ARHGAP31: variants seen among roughly 807,000 people sequenced by gnomAD.
ARHGAP31 encodes Rho GTPase activating protein 31.
ARHGAP31 carries 34 observed loss-of-function variants against 113.9 expected under a neutral mutation model. That is an observed-to-expected ratio of 0.30 (90% CI 0.23 to 0.40). The LOEUF (loss-of-function observed/expected upper bound fraction) is 0.40. ARHGAP31 is among the 10% of genes least tolerant of loss of function. The pLI is 1.00. For synonymous variants in ARHGAP31, 650 were observed against 684.8 expected (o/e 0.95, Z 0.79); for missense variants, 1,548 against 1,767.1 (o/e 0.88, Z 2.22).
chr3:119,328,988 A>G (rs2079869233), intron 1 of ARHGAP31, among the ~76,000 whole-genome samples: 2 of 152,360 alleles, frequency 1.3e-5, no homozygotes, highest in African/African-American at 2.4e-5. Flanking sequence ...AACTCCTAGA[A>G]AAATAATAAT....
intron 3 of ARHGAP31, among the ~76,000 whole-genome samples, chr3:119,369,768 A>G (rs1235682225): frequency 6.6e-6 from 1 of 152,224 alleles, no homozygotes; most frequent in African/African-American, 2.4e-5. Flanking sequence ...ACAACTGTTC[A>G]TTTCAGTGAT....
At chr3:119,352,884 T>C (rs2080122300) in intron 1 of ARHGAP31, among the ~76,000 whole-genome samples, 1 of 152,220 alleles carries the variant, frequency 6.6e-6, no homozygotes, top group Admixed American at 6.5e-5. Context: ...TCTCTTCCAC[T>C]GGACTGGTCT....
At chr3:119,340,418 G>A (rs186099697) in intron 1 of ARHGAP31, among the ~76,000 whole-genome samples, 68 of 152,294 alleles carry the variant, frequency 4.5e-4, no homozygotes, top group African/African-American at 1.3e-3. Flanking sequence ...ATCCACAAAC[G>A]TCTCCAGAGG....
intron 8 of ARHGAP31, among the ~76,000 whole-genome samples, chr3:119,393,938 C>G (rs1240360862): frequency 6.6e-6 from 1 of 152,212 alleles, no homozygotes; most frequent in Non-Finnish European, 1.5e-5. Flanking sequence ...GGTCTAGGAT[C>G]CAATCCAGGA....
chr3:119,413,831 C>A, intron 11 of ARHGAP31, 25 bp from the exon 12 acceptor site: 1 of 1,614,176 alleles, frequency 6.2e-7, no homozygotes, highest in Non-Finnish European at 8.5e-7. Flanking sequence ...AGTTCTAAGA[C>A]AATCAGTTTA....
At chr3:119,375,268 G>A (rs751046783) in intron 3 of ARHGAP31, among the ~76,000 whole-genome samples, 2 of 152,166 alleles carry the variant, frequency 1.3e-5, no homozygotes, top group Non-Finnish European at 2.9e-5. Flanking sequence ...GTTTCAGCAG[G>A]GCGTGCTCTC....
chr3:119,297,860 A>C (rs1164519957), intron 1 of ARHGAP31, among the ~76,000 whole-genome samples: 1 of 151,664 alleles, frequency 6.6e-6, no homozygotes, highest in Non-Finnish European at 1.5e-5. Flanking sequence ...GCCAGTTGTC[A>C]ACCTTAATCT....
rs140935271 is a variant in ARHGAP31 at position 119,322,370 on chromosome 3, G to C, written c.100+27366G>C. Among the ~76,000 whole-genome samples, 11 of 152,332 alleles carry C rather than the reference G, an allele frequency of 7.2e-5. No individual in the cohort carries two copies. The East Asian group carries it at 2.1e-3, about 29-fold the overall frequency. ...GGTAACTCAAAGCGTCTAACCCACA[G>C]TGACAATTGCTGCTCTGTTTTTAGA... On this transcript the variant is annotated intron_variant, in intron 1 of 11. Transcript: ENST00000264245.
chr3:119,317,751 A>G (rs1264617462), intron 1 of ARHGAP31, among the ~76,000 whole-genome samples: 3 of 152,216 alleles, frequency 2.0e-5, no homozygotes, highest in Admixed American at 2.0e-4. Context: ...TGGTACAGAA[A>G]AGTACAAGGT....
intron 10 of ARHGAP31, among the ~76,000 whole-genome samples, chr3:119,407,343 T>G (rs1289561386): frequency 1.1e-5 from 1 of 87,518 alleles, no homozygotes; most frequent in Non-Finnish European, 2.1e-5. Context: ...CAAGACTCCA[T>G]CTCGAAAAAA....
At chr3:119,404,234 G>A (rs900083010) in intron 10 of ARHGAP31, among the ~76,000 whole-genome samples, 1 of 152,170 alleles carries the variant, frequency 6.6e-6, no homozygotes, top group South Asian at 2.1e-4. Flanking sequence ...AGGTCTCTGG[G>A]CCCCATGGGG....
At chr3:119,406,946 A>G (rs2080668111) in intron 10 of ARHGAP31, among the ~76,000 whole-genome samples, 1 of 152,104 alleles carries the variant, frequency 6.6e-6, no homozygotes, top group South Asian at 2.1e-4. Context: ...CGTCCCTCTC[A>G]CTTTCTCATT....
intron 1 of ARHGAP31, among the ~76,000 whole-genome samples, chr3:119,322,082 A>G (rs1423625714): frequency 6.6e-6 from 1 of 152,228 alleles, no homozygotes; most frequent in East Asian, 1.9e-4. Context: ...CTCTTTTGTT[A>G]TGTAATATTT....
chr3:119,322,454 T>C (rs114607463), intron 1 of ARHGAP31, among the ~76,000 whole-genome samples: 1,527 of 152,328 alleles, frequency 0.01, 23 homozygotes, highest in African/African-American at 0.035. Context: ...AGCCCCTTCC[T>C]CCTCCGGGCA....
intron 1 of ARHGAP31, among the ~76,000 whole-genome samples, chr3:119,327,693 CTTT>C (rs1448052298): frequency 2.6e-5 from 4 of 152,228 alleles, no homozygotes; most frequent in Admixed American, 1.3e-4. Flanking sequence ...ATATTTACTT[CTTT>C]ATCTTATTTA....
intron 1 of ARHGAP31, among the ~76,000 whole-genome samples, chr3:119,324,361 AAC>A (rs1161584338): frequency 1.1e-4 from 17 of 152,322 alleles, no homozygotes; most frequent in African/African-American, 4.1e-4. Context: ...TCCTTTCTTG[AAC>A]AGGACAATTC....
Position 119,415,537 on chromosome 3 carries a change from T to C in ARHGAP31, c.3608T>C (p.Ile1203Thr). ...TGCCAGGCCAGGGCGGTCCCAGTCA[T>C]CCCTCCCAAGATTCAGTACACCCAG... Reference protein sequence around the residue: ...KMCQARAVPVIPPKIQYTQIP... With the variant: ...KMCQARAVPVTPPKIQYTQIP... The change falls in exon 12 of 12, where the codon ATC becomes ACC. Residue 1203 changes from isoleucine to threonine, a missense_variant. Coordinates refer to ENST00000264245, the MANE Select transcript of ARHGAP31 (RefSeq NM_020754.4). 3 of 1,613,960 alleles carry C rather than the reference T, an allele frequency of 1.9e-6. No individual in the cohort carries two copies. Among genetic ancestry groups the C allele is most frequent in the Non-Finnish European group, 2.5e-6 (3 of 1,179,996 alleles).
At chr3:119,337,252 G>C (rs1407058017) in intron 1 of ARHGAP31, among the ~76,000 whole-genome samples, 1 of 152,148 alleles carries the variant, frequency 6.6e-6, no homozygotes, top group East Asian at 1.9e-4. Context: ...CTTCCTTCTG[G>C]TGGGTTCATG....
chr3:119,414,046 C>T lies in ARHGAP31; in HGVS notation c.2117C>T (p.Ser706Phe), dbSNP rs1291200170. 6.2e-7 allele frequency: 1 copy of T among 1,614,074 alleles called. No homozygotes were observed. Among genetic ancestry groups the T allele is most frequent in the Non-Finnish European group, 8.5e-7 (1 of 1,180,038 alleles). Residue 706 changes from serine to phenylalanine, a missense_variant, in exon 12 of 12, where the codon TCC (serine) becomes TTC (phenylalanine). By Grantham distance (155) the Ser-to-Phe change is radical. Transcript: ENST00000264245. The stretch of plus-strand genomic sequence containing the variant: ...CCTCCTGGGAGCTTGCCTTGTGGCT[C>T]CTTCCCTGCTCCAGTCTCCACCCCT... ...SEPPGSLPCG[S>F]FPAPVSTPLE...
Sources: allele counts gnomAD v4.1 joint callset (sites outside exome capture counted in the v4.1 genomes callset), GRCh38; gene constraint gnomAD v4.1.1; transcripts MANE v1.5; gene names NCBI Gene and HGNC (gene_info 2026-07-23, HGNC 2026-07-21).